The following CPNE8 variants were observed in gnomAD, a reference collection of about 807,000 sequenced individuals.
The protein encoded by CPNE8 is copine-8.
In CPNE8, 45 loss-of-function variants were observed where a neutral mutation model predicts 81.5. That is an observed-to-expected ratio of 0.55 (90% CI 0.44 to 0.71). The LOEUF (loss-of-function observed/expected upper bound fraction) is 0.71, where lower values mean the gene tolerates loss of function less well. Among genes scored for constraint, CPNE8 ranks in the 30% least tolerant of loss-of-function variants. The pLI is 0.00. For synonymous variants in CPNE8, 252 were observed against 226.3 expected (o/e 1.11, Z -1.02); for missense variants, 594 against 672.1 (o/e 0.88, Z 1.28).
At chr12:38,742,543 T>C (rs7978885) in intron 10 of CPNE8, among the ~76,000 whole-genome samples, 9 of 134,532 alleles carry the variant, frequency 6.7e-5, no homozygotes, top group Non-Finnish European at 1.1e-4. Flanking sequence ...GTGGAGGGAG[T>C]GGGGAGGGAT....
chr12:38,849,020 C>T (rs1943599832), intron 3 of CPNE8, among the ~76,000 whole-genome samples: 1 of 152,140 alleles, frequency 6.6e-6, no homozygotes, highest in South Asian at 2.1e-4. Context: ...CCAGACACTA[C>T]ATATTCTTAT....
rs189167761 is a variant in CPNE8, at chr12:38,905,409, G to C, written c.98+28C>G. 4.5e-6 allele frequency: 7 copies of C among 1,548,754 alleles called. No homozygotes were observed. In the East Asian group the frequency reaches 1.7e-4, roughly 38 times the overall value. The stretch of plus-strand genomic sequence containing the variant: ...TACCAACCCCACAGATGAGAGGGCA[G>C]GAGAGAGGGGAAGGGCTGCGTCCTC... On this transcript the variant is annotated intron_variant, in intron 1 of 19. Transcript: ENST00000331366.
intron 13 of CPNE8, among the ~76,000 whole-genome samples, chr12:38,715,251 G>T (rs1340809834): frequency 2.6e-5 from 4 of 152,076 alleles, no homozygotes; most frequent in Non-Finnish European, 4.4e-5. Context: ...TGGTCTAAGA[G>T]AAATGTTTTA....
chr12:38,711,775 T>C (rs1369606145), intron 13 of CPNE8, among the ~76,000 whole-genome samples: 2 of 152,182 alleles, frequency 1.3e-5, no homozygotes, highest in South Asian at 2.1e-4. Flanking sequence ...GGCCCAAGTA[T>C]ACATTTTAAA....
At chr12:38,818,255 AG>A (rs1943059726) in intron 6 of CPNE8, among the ~76,000 whole-genome samples, 1 of 152,048 alleles carries the variant, frequency 6.6e-6, no homozygotes, top group Non-Finnish European at 1.5e-5. Context: ...CACATGCATT[AG>A]GTGTTTTTCC....
At chr12:38,871,513 G>T (rs1326320151) in intron 3 of CPNE8, among the ~76,000 whole-genome samples, 2 of 152,134 alleles carry the variant, frequency 1.3e-5, no homozygotes, top group Non-Finnish European at 2.9e-5. Flanking sequence ...GATAATCAAA[G>T]GGATGATTAG....
chr12:38,706,243 C>CT (rs1430530646), intron 13 of CPNE8, among the ~76,000 whole-genome samples: 1 of 151,952 alleles, frequency 6.6e-6, no homozygotes, highest in South Asian at 2.1e-4. Flanking sequence ...AACAGATGTT[C>CT]TTTTTTGTGT....
intron 4 of CPNE8, among the ~76,000 whole-genome samples, chr12:38,847,548 A>C (rs1943578920): frequency 6.6e-6 from 1 of 152,220 alleles, no homozygotes; most frequent in Non-Finnish European, 1.5e-5. Context: ...TTTCTAAAAA[A>C]TAAAAAACCA....
At chr12:38,806,928 A>C (rs1350121748) in intron 6 of CPNE8, among the ~76,000 whole-genome samples, 2 of 150,668 alleles carry the variant, frequency 1.3e-5, no homozygotes, top group African/African-American at 4.8e-5. Flanking sequence ...TCAATGTACA[A>C]AAATCACAAG....
At chr12:38,799,495 C>T (rs1314009892) in intron 6 of CPNE8, among the ~76,000 whole-genome samples, 2 of 152,020 alleles carry the variant, frequency 1.3e-5, no homozygotes, top group Non-Finnish European at 2.9e-5. Context: ...TCTTTTAAAC[C>T]AACGAGAACA....
At chr12:38,793,134 G>T (rs1052026014) in intron 6 of CPNE8, among the ~76,000 whole-genome samples, 6 of 151,914 alleles carry the variant, frequency 3.9e-5, no homozygotes, top group Admixed American at 2.0e-4. Context: ...AATGGTGAAA[G>T]ACTGAAAGAC....
intron 1 of CPNE8, among the ~76,000 whole-genome samples, chr12:38,901,898 C>T (rs1944469109): frequency 1.3e-5 from 2 of 152,114 alleles, no homozygotes; most frequent in South Asian, 4.1e-4. Context: ...GTTACCGTGT[C>T]TTATGTAGTG....
chr12:38,902,381 A>AAAG (rs1555172171), intron 1 of CPNE8, among the ~76,000 whole-genome samples: 687 of 57,180 alleles, frequency 0.012, 10 homozygotes, highest in Non-Finnish European at 0.014. Context: ...AGAAAGAAAG[A>AAAG]AAAGAAAGAA....
At chr12:38,718,508 A>G (rs1024225821) in intron 13 of CPNE8, among the ~76,000 whole-genome samples, 3 of 152,232 alleles carry the variant, frequency 2.0e-5, no homozygotes, top group Admixed American at 6.5e-5. Context: ...ACAAGGACTT[A>G]TATCTATTAA....
In CPNE8 at chr12:38,806,158, G is replaced by A. The variant is rs1177017378; in HGVS notation, c.407+23221C>T. On this transcript the variant is annotated intron_variant, in intron 6 of 19. Transcript: ENST00000331366. The stretch of plus-strand genomic sequence containing the variant: ...TCCAGGACCAGATGGATTCACAGCT[G>A]AATTCTACCAGAGGCATGAGGAGGA... Among the ~76,000 whole-genome samples, 5 of 150,132 alleles carry A rather than the reference G, an allele frequency of 3.3e-5. 1 individual carries two copies. The highest frequency in any genetic ancestry group is 6.6e-5 in the Admixed American group (1 of 15,066).
intron 19 of CPNE8, among the ~76,000 whole-genome samples, chr12:38,655,443 G>C (rs1473909410): frequency 6.6e-6 from 1 of 152,078 alleles, no homozygotes; most frequent in Non-Finnish European, 1.5e-5. Flanking sequence ...GTAATTTTTG[G>C]TCTTCAGAGA....
intron 8 of CPNE8, among the ~76,000 whole-genome samples, chr12:38,764,322 A>G (rs563975343): frequency 2.6e-5 from 4 of 152,288 alleles, no homozygotes; most frequent in Admixed American, 6.5e-5. Context: ...AAAAATTTTT[A>G]AGAAAAAGTC....
intron 14 of CPNE8, among the ~76,000 whole-genome samples, chr12:38,696,308 T>G (rs1218656602): frequency 2.0e-5 from 3 of 151,944 alleles, no homozygotes; most frequent in Non-Finnish European, 4.4e-5. Flanking sequence ...TAGACAACCC[T>G]TTTTGTTTAT....
chr12:38,876,064 T>G (rs1272826986), intron 1 of CPNE8, among the ~76,000 whole-genome samples: 1 of 152,218 alleles, frequency 6.6e-6, no homozygotes, highest in Non-Finnish European at 1.5e-5. Flanking sequence ...TGCAAAATAT[T>G]GTGATGTGGC....
Sources: gnomAD v4.1 joint callset for allele counts (sites outside exome capture counted in the v4.1 genomes callset) on GRCh38, gnomAD v4.1.1 for gene constraint, MANE v1.5 for transcripts, NCBI Gene and HGNC (gene_info 2026-07-23, HGNC 2026-07-21) for gene names.